The following UVRAG variants were observed in gnomAD, a reference collection of about 807,000 sequenced individuals.
UVRAG encodes UV radiation resistance associated.
UVRAG carries 19 observed loss-of-function variants against 78.0 expected under a neutral mutation model. The observed-to-expected ratio is 0.24, with a 90% CI of 0.17 to 0.36. The LOEUF (loss-of-function observed/expected upper bound fraction) is 0.36. Ranked by LOEUF, UVRAG falls within the 10% of genes least tolerant of loss-of-function variation. UVRAG has a pLI of 1.00. For missense variants in UVRAG, 740 were observed against 853.8 expected, an observed-to-expected ratio of 0.87 and a Z score of 1.66; for synonymous variants, 323 against 324.6, an observed-to-expected ratio of 1.00 and a Z score of 0.05.
chr11:75,855,693 G>C (rs935254140), intron 2 of UVRAG, among the ~76,000 whole-genome samples: 3 of 152,302 alleles, frequency 2.0e-5, no homozygotes, highest in Non-Finnish European at 2.9e-5. Flanking sequence ...CTGTTTAGTG[G>C]TAACATTTCT....
At chr11:75,884,466 T>TAA (rs1354719116) in intron 4 of UVRAG, among the ~76,000 whole-genome samples, 1 of 152,148 alleles carries the variant, frequency 6.6e-6, no homozygotes, top group Non-Finnish European at 1.5e-5. Flanking sequence ...ATGCTTTTTG[T>TAA]GTCTTATCTT....
At chr11:75,999,040 C>T (rs1466417316) in intron 8 of UVRAG, among the ~76,000 whole-genome samples, 1 of 152,036 alleles carries the variant, frequency 6.6e-6, no homozygotes, top group Non-Finnish European at 1.5e-5. Flanking sequence ...CAAGACCAGC[C>T]TGGCCAACAT....
rs1320175849 is a variant in UVRAG, at chr11:75,964,054, A to AT, written c.699+2511dup. ...GTATTAAGGTGAAATACATTGGTTG[A>AT]TTTTTTAATATTAAGCCAACTTTGC... On this transcript the variant is annotated intron_variant, in intron 7 of 14. Coordinates refer to ENST00000356136, the MANE Select transcript of UVRAG (RefSeq NM_003369.4). Among the ~76,000 whole-genome samples the AT allele has an allele frequency of 2.6e-5, 4 of 152,264 alleles. No homozygotes were observed. In the South Asian group the frequency reaches 8.3e-4, roughly 32 times the overall value.
chr11:75,854,642 ACTGAC>A (rs1222160650), intron 2 of UVRAG, among the ~76,000 whole-genome samples: 1 of 152,046 alleles, frequency 6.6e-6, no homozygotes, highest in Non-Finnish European at 1.5e-5. Flanking sequence ...GTCTTGAGCT[ACTGAC>A]CTCAAGTGAC....
intron 6 of UVRAG, among the ~76,000 whole-genome samples, chr11:75,952,150 G>A (rs898082860): frequency 3.9e-5 from 6 of 152,148 alleles, no homozygotes; most frequent in Middle Eastern, 6.8e-3. Flanking sequence ...GCAATTTGCC[G>A]AATTTACTCA....
At chr11:76,040,052 A>T (rs1591165280) in intron 12 of UVRAG, among the ~76,000 whole-genome samples, 2 of 152,186 alleles carry the variant, frequency 1.3e-5, no homozygotes, top group African/African-American at 4.8e-5. Context: ...TACTATTTGT[A>T]TATATATTTT....
chr11:76,088,337 C>A (rs573605145), intron 13 of UVRAG, among the ~76,000 whole-genome samples: 4 of 152,196 alleles, frequency 2.6e-5, no homozygotes, highest in Admixed American at 1.3e-4. Context: ...TAGGTAAGCA[C>A]TTTTATAATG....
Position 75,980,887 on chromosome 11 carries a change from A to G in UVRAG, c.700-2500A>G, listed in dbSNP as rs532371906. ...GTAGAGATGAGGTTTTGCCATGTTG[A>G]CTAGGCTGGTCTCAAACTCCTGACT... On this transcript the variant is annotated intron_variant, in intron 7 of 14. Coordinates refer to ENST00000356136, the MANE Select transcript of UVRAG (RefSeq NM_003369.4). Among the ~76,000 whole-genome samples, 16 of 151,860 alleles carry G rather than the reference A, an allele frequency of 1.1e-4. No individual in the cohort carries two copies. In the Middle Eastern group the frequency reaches 0.01, roughly 97 times the overall value.
chr11:76,096,943 C>T (rs545437501), intron 13 of UVRAG, among the ~76,000 whole-genome samples: 3 of 152,056 alleles, frequency 2.0e-5, no homozygotes, highest in Non-Finnish European at 4.4e-5. Flanking sequence ...CATGTTGAGG[C>T]AGAGCTTGTT....
Position 75,857,488 on chromosome 11 carries a change from TC to T in UVRAG, c.236-4249del, listed in dbSNP as rs370170667. Among the ~76,000 whole-genome samples, 14 of 148,602 alleles carry T rather than the reference TC, an allele frequency of 9.4e-5. No individual in the cohort carries two copies. The East Asian group carries it at 1.0e-3, about 11-fold the overall frequency. ...CCACCTTCTTGCAGATCTTTCTTTT[TC>T]CCCCCCCCTTTTTTTTTTGAGATGG... On this transcript the variant is annotated intron_variant, in intron 2 of 14. Transcript: ENST00000356136.
At chr11:75,877,622 C>T (rs1380001513) in intron 3 of UVRAG, among the ~76,000 whole-genome samples, 12 of 142,316 alleles carry the variant, frequency 8.4e-5, no homozygotes, top group Non-Finnish European at 1.4e-4. Flanking sequence ...ACCCCCCCAC[C>T]TCCCTCCCGG....
At chr11:76,112,349 CA>C (rs1275942351) in intron 13 of UVRAG, among the ~76,000 whole-genome samples, 1 of 152,104 alleles carries the variant, frequency 6.6e-6, no homozygotes, top group Non-Finnish European at 1.5e-5. Context: ...GGCAAACTAT[CA>C]TTCAAGTATA....
chr11:75,873,481 G>C (rs1480107380), intron 3 of UVRAG, among the ~76,000 whole-genome samples: 1 of 152,094 alleles, frequency 6.6e-6, no homozygotes, highest in Non-Finnish European at 1.5e-5. Context: ...AAAGAGAATT[G>C]GGAAGGCTTC....
At chr11:76,067,176 A>G (rs1272313163) in intron 13 of UVRAG, among the ~76,000 whole-genome samples, 1 of 152,044 alleles carries the variant, frequency 6.6e-6, no homozygotes, top group Non-Finnish European at 1.5e-5. Flanking sequence ...TCAGTTTATC[A>G]TTTGCTTCAT....
At chr11:75,821,573 A>T (rs997853751) in intron 1 of UVRAG, among the ~76,000 whole-genome samples, 6 of 152,126 alleles carry the variant, frequency 3.9e-5, no homozygotes, top group Non-Finnish European at 8.8e-5. Context: ...GGCTCAAGAG[A>T]TCCTCCTGCC....
At chr11:76,072,775 T>C (rs1951338215) in intron 13 of UVRAG, among the ~76,000 whole-genome samples, 1 of 152,206 alleles carries the variant, frequency 6.6e-6, no homozygotes, top group African/African-American at 2.4e-5. Context: ...ACTGAGCCTT[T>C]AGTAGATTTT....
At chr11:75,987,340 C>T (rs1949519166) in intron 8 of UVRAG, among the ~76,000 whole-genome samples, 1 of 152,178 alleles carries the variant, frequency 6.6e-6, no homozygotes, top group South Asian at 2.1e-4. Flanking sequence ...TTCAAATTTA[C>T]CTAATGACTT....
At chr11:75,827,855 A>G (rs2135814620) in intron 1 of UVRAG, among the ~76,000 whole-genome samples, 1 of 152,264 alleles carries the variant, frequency 6.6e-6, no homozygotes, top group South Asian at 2.1e-4. Context: ...CTTTTAAACA[A>G]TACAAAATAA....
intron 6 of UVRAG, among the ~76,000 whole-genome samples, chr11:75,943,825 A>G (rs1186421621): frequency 6.6e-6 from 1 of 152,158 alleles, no homozygotes; most frequent in East Asian, 1.9e-4. Flanking sequence ...TGCCATTACC[A>G]TGAGATTGTG....
Sources: allele counts gnomAD v4.1 joint callset (sites outside exome capture counted in the v4.1 genomes callset), GRCh38; gene constraint gnomAD v4.1.1; transcripts MANE v1.5; gene names NCBI Gene and HGNC (gene_info 2026-07-23, HGNC 2026-07-21).